The following CNTN1 variants were observed in gnomAD, a reference collection of about 807,000 sequenced individuals.
CNTN1 encodes contactin 1, also known as contactin-1.
Under a neutral mutation model 126.4 loss-of-function variants are expected in CNTN1, and 38 were observed. The observed-to-expected ratio is 0.30, with a 90% CI of 0.23 to 0.39. CNTN1 has a LOEUF of 0.39. CNTN1 is among the 10% of genes least tolerant of loss of function. CNTN1 has a pLI of 1.00. For missense variants in CNTN1, 1,009 were observed against 1,248.4 expected (o/e 0.81, Z 2.89); for synonymous variants, 413 against 422.6 (o/e 0.98, Z 0.28).
intron 1 of CNTN1, among the ~76,000 whole-genome samples, chr12:40,843,727 C>A (rs971267645): frequency 2.0e-5 from 3 of 152,110 alleles, no homozygotes; most frequent in Non-Finnish European, 2.9e-5. Context: ...AAATGCCCTG[C>A]AAGATAAGCA....
chr12:40,967,234 G>A (rs2137032837), intron 15 of CNTN1, among the ~76,000 whole-genome samples: 1 of 152,112 alleles, frequency 6.6e-6, no homozygotes, highest in South Asian at 2.1e-4. Context: ...TGTAATCCCA[G>A]CACTTTGGGA....
intron 1 of CNTN1, among the ~76,000 whole-genome samples, chr12:40,904,705 C>G (rs555078923): frequency 6.6e-6 from 1 of 152,324 alleles, no homozygotes; most frequent in African/African-American, 2.4e-5. Flanking sequence ...GCTGGGATTA[C>G]AGGTGTGAGC....
chr12:41,053,892 T>C (rs1368549728), intron 23 of CNTN1, among the ~76,000 whole-genome samples: 1 of 151,746 alleles, frequency 6.6e-6, no homozygotes, highest in Admixed American at 6.6e-5. Context: ...TCCCCAAAAC[T>C]CTATTGTCTT....
At chr12:40,801,223 A>T (rs1053056094) in intron 1 of CNTN1, among the ~76,000 whole-genome samples, 1 of 151,996 alleles carries the variant, frequency 6.6e-6, no homozygotes, top group Non-Finnish European at 1.5e-5. Flanking sequence ...CAAAATTTAA[A>T]AATCAGATCA....
At chr12:40,813,058 T>TCTTTCTTTCTTTCTTTCTTTCTTACCTC (rs71078274) in intron 1 of CNTN1, among the ~76,000 whole-genome samples, 1 of 104,704 alleles carries the variant, frequency 9.6e-6, no homozygotes, top group African/African-American at 3.5e-5. Context: ...TTTCTTTCTT[T>TCTTTCTTTCTTTCTTTCTTTCTTACCTC]CTTCCTTCCT....
intron 1 of CNTN1, among the ~76,000 whole-genome samples, chr12:40,766,097 C>T (rs978904536): frequency 6.6e-6 from 1 of 152,148 alleles, no homozygotes; most frequent in Non-Finnish European, 1.5e-5. Flanking sequence ...GTGGCTCACG[C>T]CTGTAGTCCC....
chr12:40,978,697 T>C (rs1434352601), intron 15 of CNTN1: 3 of 152,174 alleles, frequency 2.0e-5, no homozygotes, highest in Non-Finnish European at 4.4e-5. Context: ...ACAAATACAC[T>C]AATAATATGC....
chr12:40,988,131 G>A (rs943819224), intron 16 of CNTN1, among the ~76,000 whole-genome samples: 1 of 152,098 alleles, frequency 6.6e-6, no homozygotes, highest in Non-Finnish European at 1.5e-5. Flanking sequence ...TCCTTCCAGA[G>A]TCCTGCCAGG....
intron 16 of CNTN1, among the ~76,000 whole-genome samples, chr12:40,985,490 T>G (rs1262267729): frequency 1.3e-5 from 2 of 152,168 alleles, no homozygotes; most frequent in Non-Finnish European, 2.9e-5. Context: ...TCATACAAAA[T>G]CCAAATTGCT....
Position 40,796,631 on chromosome 12 carries a change from G to C in CNTN1, c.-77+104039G>C, listed in dbSNP as rs186898032. Reference sequence around the variant, plus strand: ...GAAGACATCAAGCTGGAGTGAACTAGAATTAATAATGGTTAACGAATGTTC... The same window carrying C: ...GAAGACATCAAGCTGGAGTGAACTACAATTAATAATGGTTAACGAATGTTC... On this transcript the variant is annotated intron_variant, in intron 1 of 23. Coordinates refer to ENST00000551295, the MANE Select transcript of CNTN1 (RefSeq NM_001843.4). Among the ~76,000 whole-genome samples, 4 of 152,230 alleles carry C rather than the reference G, an allele frequency of 2.6e-5. No individual in the cohort carries two copies. The East Asian group carries it at 5.8e-4, about 22-fold the overall frequency.
chr12:40,971,115 C>CTGTGGAA (rs2137045227), intron 15 of CNTN1, among the ~76,000 whole-genome samples: 1 of 152,280 alleles, frequency 6.6e-6, no homozygotes, highest in African/African-American at 2.4e-5. Context: ...GACTTGCACT[C>CTGTGGAA]TGTGGAATGA....
chr12:41,031,518 AT>A (rs1461735305), intron 23 of CNTN1, among the ~76,000 whole-genome samples: 5 of 152,172 alleles, frequency 3.3e-5, no homozygotes, highest in African/African-American at 9.7e-5. Context: ...TAATAATTAC[AT>A]TTTTAACACA....
intron 1 of CNTN1, among the ~76,000 whole-genome samples, chr12:40,895,734 T>C (rs1217659619): frequency 6.6e-6 from 1 of 151,336 alleles, no homozygotes; most frequent in Non-Finnish European, 1.5e-5. Flanking sequence ...AACCATTTAA[T>C]AGTAATTCTT....
intron 1 of CNTN1, among the ~76,000 whole-genome samples, chr12:40,700,660 T>A (rs2121108096): frequency 6.6e-6 from 1 of 152,322 alleles, no homozygotes; most frequent in South Asian, 2.1e-4. Context: ...ATGCATTTTT[T>A]AGGAAATAGC....
Position 40,906,669 on chromosome 12 carries a change from C to CTTTTTTTTTTTTTTTT in CNTN1, c.-76-1679_-76-1678insTTTTTTTTTTTTTTTT, listed in dbSNP as rs111442544. On this transcript the variant is annotated intron_variant, in intron 1 of 23. Coordinates refer to ENST00000551295, the MANE Select transcript of CNTN1 (RefSeq NM_001843.4). ...TTTCCTTTTAAAATTGTTTTTCATGCTTTTTTTTTGTTTTGTTTTTTTTGA... is the reference window on the plus strand; with the variant it reads ...TTTCCTTTTAAAATTGTTTTTCATGCTTTTTTTTTTTTTTTTTTTTTTTTTGTTTTGTTTTTTTTGA... 2.1e-4 allele frequency among the ~76,000 whole-genome samples: 22 copies of CTTTTTTTTTTTTTTTT among 107,190 alleles called. 3 individuals carry two copies. The highest frequency in any genetic ancestry group is 2.9e-4 in the African/African-American group (8 of 27,158). The allele number at this position is 107,190 out of a possible 152,430, so 70.3% of individuals were successfully genotyped here.
At chr12:40,963,669 A>G (rs971845761) in intron 15 of CNTN1, among the ~76,000 whole-genome samples, 2 of 152,068 alleles carry the variant, frequency 1.3e-5, no homozygotes, top group African/African-American at 4.8e-5. Context: ...TACACTTCAG[A>G]TGTTTTTAGG....
chr12:40,845,712 T>A (rs948753360), intron 1 of CNTN1, among the ~76,000 whole-genome samples: 1 of 152,030 alleles, frequency 6.6e-6, no homozygotes, highest in Non-Finnish European at 1.5e-5. Context: ...ACCAATGAGA[T>A]TCAGGGAGCA....
intron 1 of CNTN1, among the ~76,000 whole-genome samples, chr12:40,764,811 A>G (rs1939012274): frequency 6.6e-6 from 1 of 152,096 alleles, no homozygotes; most frequent in African/African-American, 2.4e-5. Flanking sequence ...ATGAGAAGAT[A>G]CTCTCCAGGC....
chr12:41,047,535 T>C (rs961252955), intron 23 of CNTN1, among the ~76,000 whole-genome samples: 23 of 151,862 alleles, frequency 1.5e-4, no homozygotes, highest in African/African-American at 5.6e-4. Context: ...TCTTTCTCTC[T>C]TGCCTAAAAA....
Sources: gnomAD v4.1 joint callset for allele counts (sites outside exome capture counted in the v4.1 genomes callset) on GRCh38, gnomAD v4.1.1 for gene constraint, MANE v1.5 for transcripts, NCBI Gene and HGNC (gene_info 2026-07-23, HGNC 2026-07-21) for gene names.